The following PPFIA2 variants were observed in gnomAD, a reference collection of about 807,000 sequenced individuals.
PPFIA2 encodes the protein liprin-alpha-2.
In PPFIA2, 46 loss-of-function variants were observed where a neutral mutation model predicts 175.5. The observed-to-expected ratio is 0.26, with a 90% confidence interval of 0.21 to 0.34. The LOEUF (loss-of-function observed/expected upper bound fraction) is 0.34, where lower values mean the gene tolerates loss of function less well. Among genes scored for constraint, PPFIA2 ranks in the 10% least tolerant of loss-of-function variants. The probability of loss-of-function intolerance (pLI) is 1.00; values close to 1 mark genes in which losing one functional copy is unlikely to be tolerated. For missense variants in PPFIA2, 1,179 were observed against 1,506.1 expected (o/e 0.78, Z 3.60); for synonymous variants, 568 against 511.4 (o/e 1.11, Z -1.49).
intron 4 of PPFIA2, among the ~76,000 whole-genome samples, chr12:81,487,480 CTAT>C (rs199652863): frequency 0.015 from 2,344 of 151,392 alleles, 47 homozygotes; most frequent in East Asian, 0.043. Flanking sequence ...CAATGAATTA[CTAT>C]TATTATTATT....
chr12:81,296,330 G>T (rs576913331), intron 23 of PPFIA2, among the ~76,000 whole-genome samples: 2 of 152,186 alleles, frequency 1.3e-5, no homozygotes, highest in African/African-American at 2.4e-5. Context: ...AAAAAGAAAA[G>T]AAATTAGATA....
intron 22 of PPFIA2, chr12:81,312,032 T>A: frequency 2.4e-6 from 2 of 819,498 alleles, no homozygotes; most frequent in Non-Finnish European, 3.8e-6. Flanking sequence ...ATATGCTTCA[T>A]GATTTTCATT....
At chr12:81,714,263 A>T (rs1159674457) in intron 3 of PPFIA2, among the ~76,000 whole-genome samples, 1 of 151,082 alleles carries the variant, frequency 6.6e-6, no homozygotes, top group African/African-American at 2.4e-5. Context: ...GGTAGAGCAA[A>T]GATGATTAAG....
chr12:81,472,524 G>T (rs1395252043), intron 4 of PPFIA2: 8 of 152,124 alleles, frequency 5.3e-5, no homozygotes, highest in African/African-American at 1.9e-4. Flanking sequence ...TATTAGTTTA[G>T]CAACCACTCA....
chr12:81,360,462 C>T (rs1315857722), intron 15 of PPFIA2, among the ~76,000 whole-genome samples: 1 of 151,774 alleles, frequency 6.6e-6, no homozygotes, highest in Non-Finnish European at 1.5e-5. Context: ...CTGGAGTGTT[C>T]TCTGTTGTCC....
At chr12:81,344,951 G>T (rs951731640) in intron 18 of PPFIA2, among the ~76,000 whole-genome samples, 1 of 151,960 alleles carries the variant, frequency 6.6e-6, no homozygotes, top group Non-Finnish European at 1.5e-5. Flanking sequence ...CTGGATACGA[G>T]GCATGGACCC....
intron 4 of PPFIA2, among the ~76,000 whole-genome samples, chr12:81,592,544 T>A (rs1259310753): frequency 6.6e-6 from 1 of 152,136 alleles, no homozygotes; most frequent in East Asian, 1.9e-4. Context: ...GGGTCTTTCC[T>A]TTATTATTCT....
At chr12:81,421,978 A>G (rs1290187544) in intron 7 of PPFIA2, among the ~76,000 whole-genome samples, 1 of 151,596 alleles carries the variant, frequency 6.6e-6, no homozygotes, top group East Asian at 1.9e-4. Flanking sequence ...TGCTTATATC[A>G]GACAAAATAG....
At chr12:81,637,236 ATTTT>A (rs71098156) in intron 4 of PPFIA2, among the ~76,000 whole-genome samples, 3 of 65,904 alleles carry the variant, frequency 4.6e-5, no homozygotes, top group Non-Finnish European at 7.9e-5. Context: ...CGCCAGGCTA[ATTTT>A]TTTTTTTTTT....
intron 17 of PPFIA2, 148 bp downstream of exon 17, chr12:81,352,971 G>A: frequency 4.6e-6 from 3 of 646,546 alleles, no homozygotes; most frequent in Non-Finnish European, 8.0e-6. Flanking sequence ...TACACATTCT[G>A]ATTCAGTGTG....
rs1001060789 is a variant in PPFIA2, at chr12:81,539,916, A to G, written c.304-82050T>C. On this transcript the variant is annotated intron_variant, in intron 4 of 32. Transcript: ENST00000549396. ...TTTATTCCCTCAATTTGATTTCACT[A>G]AGTTCAATTTCTTTCCATTAAATCT... Among the ~76,000 whole-genome samples the G allele has an allele frequency of 7.9e-5, 12 of 152,044 alleles. 1 individual carries two copies. The highest frequency in any genetic ancestry group is 4.6e-4 in the Admixed American group (7 of 15,212).
At chr12:81,367,771 T>A (rs2033942920) in intron 13 of PPFIA2, among the ~76,000 whole-genome samples, 1 of 151,674 alleles carries the variant, frequency 6.6e-6, no homozygotes, top group African/African-American at 2.4e-5. Context: ...GCCAGAAAAT[T>A]ATTTTTGTTG....
intron 19 of PPFIA2, among the ~76,000 whole-genome samples, chr12:81,342,918 T>C (rs1031754111): frequency 6.8e-6 from 1 of 147,794 alleles, no homozygotes; most frequent in African/African-American, 2.5e-5. Flanking sequence ...AACCGGCACA[T>C]TGTGCACATG....
intron 4 of PPFIA2, among the ~76,000 whole-genome samples, chr12:81,491,931 TGG>T: frequency 1.3e-5 from 2 of 152,158 alleles, no homozygotes; most frequent in Admixed American, 1.3e-4. Flanking sequence ...TTCTCTTGCC[TGG>T]AACATTATCT....
At chr12:81,730,895 T>G (rs573493401) in intron 3 of PPFIA2, among the ~76,000 whole-genome samples, 1 of 148,698 alleles carries the variant, frequency 6.7e-6, no homozygotes, top group African/African-American at 2.4e-5. Context: ...TGAGTTCTTG[T>G]TATGACAAAA....
rs138961756 is a variant in PPFIA2, at chr12:81,381,806, G to A, written c.984+2217C>T. 4.6e-3 allele frequency among the ~76,000 whole-genome samples: 701 copies of A among 151,650 alleles called. 3 individuals carry two copies. Among genetic ancestry groups the A allele is most frequent in the South Asian group, 0.019 (91 of 4,818 alleles). On this transcript the variant is annotated intron_variant, in intron 9 of 32. Coordinates refer to ENST00000549396, the MANE Select transcript of PPFIA2 (RefSeq NM_003625.5). The stretch of plus-strand genomic sequence containing the variant: ...TTCATCTATCTCTTTTTTTTGTTTT[G>A]TTTTGTTTTGTTTTGCTTTCAGGCA...
intron 4 of PPFIA2, among the ~76,000 whole-genome samples, chr12:81,655,933 AAT>A (rs1401850499): frequency 6.6e-6 from 1 of 151,930 alleles, no homozygotes; most frequent in Non-Finnish European, 1.5e-5. Context: ...GTATATTTTA[AAT>A]ATATGTTATT....
intron 7 of PPFIA2, among the ~76,000 whole-genome samples, chr12:81,420,910 A>G (rs529318071): frequency 2.0e-5 from 3 of 152,220 alleles, no homozygotes; most frequent in Non-Finnish European, 4.4e-5. Context: ...GAGATTAGAA[A>G]GCCAAAAGAA....
chr12:81,646,235 G>A (rs554311276), intron 4 of PPFIA2, among the ~76,000 whole-genome samples: 1 of 152,264 alleles, frequency 6.6e-6, no homozygotes, highest in South Asian at 2.1e-4. Flanking sequence ...TATTGCTACA[G>A]GGGAAAGGCA....
Sources: gnomAD v4.1 joint callset for allele counts (sites outside exome capture counted in the v4.1 genomes callset) on GRCh38, gnomAD v4.1.1 for gene constraint, MANE v1.5 for transcripts, NCBI Gene and HGNC (gene_info 2026-07-23, HGNC 2026-07-21) for gene names.